The following CSDE1 variants were observed in gnomAD, a reference collection of about 807,000 sequenced individuals.
The protein encoded by CSDE1 is cold shock domain-containing protein E1.
In CSDE1, 17 loss-of-function variants were observed where a neutral mutation model predicts 89.3. That is an observed-to-expected ratio of 0.19 (90% confidence interval 0.13 to 0.29). The LOEUF is 0.29. CSDE1 is among the 10% of genes least tolerant of loss of function. The pLI is 1.00. For missense variants in CSDE1, 672 were observed against 984.2 expected, an observed-to-expected ratio of 0.68 and a Z score of 4.24; for synonymous variants, 322 against 332.8, an observed-to-expected ratio of 0.97 and a Z score of 0.35.
intron 10 of CSDE1, among the ~76,000 whole-genome samples, chr1:114,731,436 A>T (rs1343389499): frequency 6.6e-6 from 1 of 152,158 alleles, no homozygotes; most frequent in African/African-American, 2.4e-5. Flanking sequence ...AAACTTTTAA[A>T]GTTAAATACA....
At chr1:114,745,162 A>T (rs921041661) in intron 2 of CSDE1, among the ~76,000 whole-genome samples, 1 of 152,226 alleles carries the variant, frequency 6.6e-6, no homozygotes, top group Non-Finnish European at 1.5e-5. Context: ...ACAACCTTTT[A>T]GAAATGCAAT....
intron 9 of CSDE1, 28 bp downstream of exon 9, chr1:114,733,704 T>C: frequency 6.2e-7 from 1 of 1,604,844 alleles, no homozygotes; most frequent in Non-Finnish European, 8.5e-7. Context: ...TGAGGCGAAA[T>C]AGGACTCTCC....
rs2101025224 is a variant in CSDE1, at chr1:114,727,065, T to C, written c.1382A>G (p.Tyr461Cys). 6.2e-7 allele frequency: 1 copy of C among 1,613,522 alleles called. No homozygotes were observed. The highest frequency in any genetic ancestry group is 2.2e-5 in the East Asian group (1 of 44,834). The change falls in exon 13 of 20, where the codon TAT (tyrosine) becomes TGT (cysteine). Residue 461 changes from tyrosine (Y) to cysteine (C), a missense_variant. Coordinates refer to ENST00000358528, the MANE Select transcript of CSDE1 (RefSeq NM_001007553.3). Reference protein sequence around the residue: ...EKEAEDGIIAYDDCGVKLTIA... With the variant: ...EKEAEDGIIACDDCGVKLTIA... ...AGTCAGTTTCACCCCACAGTCATCATAAGCAATAATGCCATCCTCAGCCTC... is the reference window on the plus strand; with the variant it reads ...AGTCAGTTTCACCCCACAGTCATCACAAGCAATAATGCCATCCTCAGCCTC...
chr1:114,734,123 G>A lies in CSDE1; in HGVS notation c.583-6C>T, dbSNP rs1479116231. The A allele has an allele frequency of 6.2e-7, 1 of 1,601,428 alleles. No homozygotes were observed. Among genetic ancestry groups the A allele is most frequent in the Non-Finnish European group, 8.5e-7 (1 of 1,177,206 alleles). The stretch of plus-strand genomic sequence containing the variant: ...TCAATAAAGCCAAATGCCTCCTGAA[G>A]CAAAATAAAAAACCAAGAACATTAT... On this transcript the variant is annotated splice_polypyrimidine_tract_variant and splice_region_variant and intron_variant, in intron 7 of 19. Coordinates refer to ENST00000358528, the MANE Select transcript of CSDE1 (RefSeq NM_001007553.3).
intron 2 of CSDE1, among the ~76,000 whole-genome samples, chr1:114,740,124 G>A (rs1455727134): frequency 6.6e-6 from 1 of 152,146 alleles, no homozygotes; most frequent in Non-Finnish European, 1.5e-5. Context: ...CCACTTATCA[G>A]ACAAAAATAG....
At chr1:114,719,852 G>A in intron 17 of CSDE1, 110 bp from the exon 18 acceptor site, 2 of 1,078,736 alleles carry the variant, frequency 1.9e-6, no homozygotes, top group Non-Finnish European at 2.7e-6. Context: ...TATTAATGTT[G>A]ATACTCCAGT....
At chr1:114,747,514 A>C (rs947758298) in intron 2 of CSDE1, among the ~76,000 whole-genome samples, 1 of 152,264 alleles carries the variant, frequency 6.6e-6, no homozygotes, top group Non-Finnish European at 1.5e-5. Flanking sequence ...CTAAACAAAA[A>C]GGACTTCGTT....
rs1204642384 is a variant in CSDE1 at position 114,724,020 on chromosome 1, G to A, written c.1754-18C>T. 6.2e-7 allele frequency: 1 copy of A among 1,604,106 alleles called. No homozygotes were observed. Among genetic ancestry groups the A allele is most frequent in the African/African-American group, 1.3e-5 (1 of 74,424 alleles). ...GCCATTCACTACAAAACAAAGGCAG[G>A]TACATCTTTCAATTTTATTTCATCT... On this transcript the variant is annotated intron_variant, in intron 15 of 19. Coordinates refer to ENST00000358528, the MANE Select transcript of CSDE1 (RefSeq NM_001007553.3).
At chr1:114,746,559 C>G (rs575994485) in intron 2 of CSDE1, 1 of 152,224 alleles carries the variant, frequency 6.6e-6, no homozygotes, top group South Asian at 2.1e-4. Context: ...ACCTGTCTCA[C>G]AGAGTTGTTG....
chr1:114,721,279 C>T (rs1459618742), intron 16 of CSDE1, among the ~76,000 whole-genome samples: 1 of 152,026 alleles, frequency 6.6e-6, no homozygotes, highest in Non-Finnish European at 1.5e-5. Context: ...TTTAGGTTTG[C>T]AAGTCATCCT....
At chr1:114,719,544 G>A in intron 18 of CSDE1, 35 bp downstream of exon 18, 1 of 1,602,632 alleles carries the variant, frequency 6.2e-7, no homozygotes, top group Non-Finnish European at 8.5e-7. Flanking sequence ...ACACTCCAGG[G>A]TAGTTACTAA....
In CSDE1 at chr1:114,730,344, A is replaced by G. The variant is rs751707451; in HGVS notation, c.1270T>C (p.Ser424Pro). 1.2e-6 allele frequency: 2 copies of G among 1,614,192 alleles called. No individual in the cohort carries two copies. The highest frequency in any genetic ancestry group is 1.1e-5 in the South Asian group (1 of 91,082). Reference protein sequence around the residue: ...PKGTVSFHSHSDHRFLGTVEK... With the variant: ...PKGTVSFHSHPDHRFLGTVEK... ...ACCGTGCCCAGAAAACGGTGATCTG[A>G]ATGGGAATGAAATGAAACCGTGCCC... Residue 424 changes from serine (S) to proline (P), a missense_variant, in exon 12 of 20, where the codon TCA becomes CCA. Ser to Pro is a moderately conservative substitution (Grantham distance 74). Coordinates refer to ENST00000358528, the MANE Select transcript of CSDE1 (RefSeq NM_001007553.3).
intron 9 of CSDE1, among the ~76,000 whole-genome samples, chr1:114,733,151 G>C (rs1454087045): frequency 2.0e-5 from 3 of 152,160 alleles, no homozygotes; most frequent in Admixed American, 2.0e-4. Flanking sequence ...ATGTACACCT[G>C]AACTGCAGTC....
chr1:114,737,446 G>T, intron 5 of CSDE1, 25 bp downstream of exon 5: 2 of 1,566,062 alleles, frequency 1.3e-6, no homozygotes, highest in Non-Finnish European at 1.8e-6. Context: ...TCAGGCAAAG[G>T]TTTAAGAAAA....
At position 114,718,023 on chromosome 1, in the gene CSDE1, G is replaced by A. The variant is rs1659283862; in HGVS notation, c.*146C>T. The A allele has an allele frequency of 2.8e-5, 20 of 710,038 alleles. No individual in the cohort carries two copies. Among genetic ancestry groups the A allele is most frequent in the South Asian group, 2.1e-4 (11 of 52,768 alleles). The allele number at this position is 710,038 out of a possible 1,614,324, so 44.0% of individuals were successfully genotyped here. On this transcript the variant is annotated 3_prime_UTR_variant, in exon 20 of 20. Coordinates refer to ENST00000358528, the MANE Select transcript of CSDE1 (RefSeq NM_001007553.3). The stretch of plus-strand genomic sequence containing the variant: ...TTATTTATTTTTTTAAACATAACAC[G>A]AGGAAGGTGTTAAAACTGGTGTAAT...
In CSDE1 at chr1:114,718,645, G is replaced by C. The variant is rs1410734862; in HGVS notation, c.2317C>G (p.Leu773Val). ...TTATCTGGTCCCCTTGGCTGACGAA[G>C]AACCATTAGGCGAGGAGCACTGGCA... Reference protein sequence around the residue: ...DDASAPRLMVLRQPRGPDNSM... With the variant: ...DDASAPRLMVVRQPRGPDNSM... Residue 773 changes from leucine (L) to valine (V), a missense_variant, in exon 19 of 20, where the codon CTT (leucine) becomes GTT (valine). This residue lies in a region of CSDE1 where 206 missense variants were observed against 332.4 expected (regional missense o/e 0.62). Transcript: ENST00000358528. The C allele has an allele frequency of 2.5e-6, 4 of 1,614,166 alleles. No homozygotes were observed. Among genetic ancestry groups the C allele is most frequent in the Non-Finnish European group, 3.4e-6 (4 of 1,180,034 alleles).
intron 2 of CSDE1, among the ~76,000 whole-genome samples, chr1:114,744,091 TG>T (rs1362607849): frequency 1.3e-5 from 2 of 152,148 alleles, no homozygotes; most frequent in East Asian, 3.8e-4. Flanking sequence ...ATAGGACAAA[TG>T]GAAGTAGATA....
At chr1:114,744,207 G>A (rs67548007) in intron 2 of CSDE1, among the ~76,000 whole-genome samples, 30,690 of 151,852 alleles carry the variant, frequency 0.2, 3,550 homozygotes, top group Non-Finnish European at 0.25. Context: ...AAATAGGGGG[G>A]AAAAAAATCC....
intron 2 of CSDE1, among the ~76,000 whole-genome samples, chr1:114,747,263 C>A (rs769768653): frequency 7.2e-5 from 11 of 152,106 alleles, no homozygotes; most frequent in Non-Finnish European, 1.5e-4. Flanking sequence ...TTTTACAAAA[C>A]CCCCCTTTAA....
Sources: gnomAD v4.1 joint callset for allele counts (sites outside exome capture counted in the v4.1 genomes callset) on GRCh38, gnomAD v4.1.1 for gene constraint, gnomAD v4.1.1 regional missense constraint, MANE v1.5 for transcripts, NCBI Gene and HGNC (gene_info 2026-07-23, HGNC 2026-07-21) for gene names.